Variants in NBEA observed in about 807,000 individuals in gnomAD.
NBEA encodes the protein neurobeachin.
Under a neutral mutation model 343.4 loss-of-function variants are expected in NBEA, and 44 were observed. The observed-to-expected ratio is 0.13, with a 90% CI of 0.10 to 0.16. The LOEUF is 0.16. Among genes scored for constraint, NBEA ranks in the 10% least tolerant of loss-of-function variants. The probability of loss-of-function intolerance (pLI) is 1.00; values close to 1 mark genes in which losing one functional copy is unlikely to be tolerated. For missense variants in NBEA, 2,555 were observed against 3,631.3 expected, an observed-to-expected ratio of 0.70 and a Z score of 7.62; for synonymous variants, 1,175 against 1,238.7, an observed-to-expected ratio of 0.95 and a Z score of 1.08.
At chr13:35,434,982 C>A (rs2045341967) in intron 39 of NBEA, among the ~76,000 whole-genome samples, 1 of 152,004 alleles carries the variant, frequency 6.6e-6, no homozygotes, top group Non-Finnish European at 1.5e-5. Flanking sequence ...CTGGAGAAGA[C>A]CAAAAAAGAT....
At chr13:35,043,301 G>C (rs2062721123) in intron 2 of NBEA, among the ~76,000 whole-genome samples, 1 of 151,704 alleles carries the variant, frequency 6.6e-6, no homozygotes, top group Non-Finnish European at 1.5e-5. Context: ...TACTTTTTGT[G>C]ACATACATGG....
At chr13:35,475,314 C>G (rs150778993) in intron 41 of NBEA, 41 of 1,613,910 alleles carry the variant, frequency 2.5e-5, no homozygotes, top group Non-Finnish European at 8.5e-7. Context: ...AAACCAGAGT[C>G]TTCATATGGT....
intron 41 of NBEA, among the ~76,000 whole-genome samples, chr13:35,491,572 C>T (rs1281006574): frequency 6.6e-6 from 1 of 151,842 alleles, no homozygotes. Flanking sequence ...TACCCAATAT[C>T]CAGAGTGTCA....
At chr13:35,043,975 G>A (rs2062751563) in intron 2 of NBEA, among the ~76,000 whole-genome samples, 1 of 151,948 alleles carries the variant, frequency 6.6e-6, no homozygotes, top group African/African-American at 2.4e-5. Context: ...TAGAAATTGA[G>A]AAAACGAAGT....
rs535575869 is a variant in NBEA, at chr13:35,432,401, C to T, written c.6304+8C>T. ...AAGCTGCAATAGAATATGGTTAGTA[C>T]CAATGCTTCTTCCACAAAAATACTT... On this transcript the variant is annotated splice_region_variant and intron_variant, in intron 39 of 58. Transcript: ENST00000379939. 9.6e-6 allele frequency: 15 copies of T among 1,564,968 alleles called. 1 individual carries two copies. The Middle Eastern group carries it at 8.5e-4, about 89-fold the overall frequency.
chr13:35,641,661 G>A (rs911029466), intron 49 of NBEA, among the ~76,000 whole-genome samples: 2 of 151,842 alleles, frequency 1.3e-5, no homozygotes, highest in African/African-American at 2.4e-5. Context: ...AGCTTGACAG[G>A]GTGATGGGGC....
intron 47 of NBEA, among the ~76,000 whole-genome samples, chr13:35,594,653 A>G (rs2081685003): frequency 6.6e-6 from 1 of 152,116 alleles, no homozygotes; most frequent in Non-Finnish European, 1.5e-5. Context: ...GCCATCATTT[A>G]AAATGATTTG....
At chr13:35,010,232 G>C (rs1333757320) in intron 1 of NBEA, among the ~76,000 whole-genome samples, 2 of 152,082 alleles carry the variant, frequency 1.3e-5, no homozygotes, top group Non-Finnish European at 2.9e-5. Flanking sequence ...GAGAAGAGAT[G>C]CAAGTACTGA....
chr13:35,642,463 G>A (rs941402078), intron 49 of NBEA, among the ~76,000 whole-genome samples: 6 of 152,134 alleles, frequency 3.9e-5, no homozygotes, highest in Non-Finnish European at 7.4e-5. Flanking sequence ...ATGAGCTCAC[G>A]TGTTCAATGT....
chr13:35,456,371 T>C (rs2046580558), intron 40 of NBEA, among the ~76,000 whole-genome samples: 1 of 152,054 alleles, frequency 6.6e-6, no homozygotes, highest in African/African-American at 2.4e-5. Context: ...GATTATAATA[T>C]AGAAGTATGC....
At chr13:35,258,415 C>T (rs2032869025) in intron 34 of NBEA, among the ~76,000 whole-genome samples, 2 of 152,056 alleles carry the variant, frequency 1.3e-5, no homozygotes, top group Non-Finnish European at 2.9e-5. Flanking sequence ...CCGCCTGCCT[C>T]AGCGTCCCTA....
intron 41 of NBEA, among the ~76,000 whole-genome samples, chr13:35,522,894 C>T (rs112964817): frequency 0.011 from 1,610 of 149,924 alleles, 15 homozygotes; most frequent in Non-Finnish European, 0.017. Context: ...GGAACGGGTT[C>T]CTGGTGCCAG....
At chr13:35,629,960 T>C (rs1046383921) in intron 49 of NBEA, among the ~76,000 whole-genome samples, 2 of 152,240 alleles carry the variant, frequency 1.3e-5, no homozygotes, top group South Asian at 2.1e-4. Context: ...TATTTTGTTA[T>C]ACATTTTTAC....
chr13:35,094,425 A>C (rs891216702), intron 10 of NBEA, among the ~76,000 whole-genome samples: 3 of 152,052 alleles, frequency 2.0e-5, no homozygotes, highest in African/African-American at 7.2e-5. Context: ...TTTACCGCCT[A>C]TGTAGGCATT....
intron 38 of NBEA, among the ~76,000 whole-genome samples, chr13:35,368,756 G>A (rs1192654534): frequency 2.6e-5 from 4 of 151,650 alleles, no homozygotes; most frequent in East Asian, 1.9e-4. Flanking sequence ...ACATGCAAAT[G>A]TAAGTAGGTG....
intron 41 of NBEA, among the ~76,000 whole-genome samples, chr13:35,516,902 C>A (rs1157013750): frequency 6.6e-6 from 1 of 152,238 alleles, no homozygotes; most frequent in East Asian, 1.9e-4. Flanking sequence ...TCAGAGATGT[C>A]CAGTTATTTC....
At chr13:35,232,137 A>T (rs1593854508) in intron 33 of NBEA, among the ~76,000 whole-genome samples, 1 of 152,172 alleles carries the variant, frequency 6.6e-6, no homozygotes, top group East Asian at 1.9e-4. Flanking sequence ...TGGCACAGGG[A>T]CCCACATTGT....
At chr13:35,420,648 T>G (rs976935503) in intron 38 of NBEA, among the ~76,000 whole-genome samples, 1 of 151,984 alleles carries the variant, frequency 6.6e-6, no homozygotes, top group Non-Finnish European at 1.5e-5. Context: ...GCCTGGAGAT[T>G]TGGGGAAAGA....
intron 47 of NBEA, among the ~76,000 whole-genome samples, chr13:35,602,307 A>G (rs1247811163): frequency 2.6e-5 from 4 of 152,230 alleles, no homozygotes; most frequent in African/African-American, 4.8e-5. Context: ...AAAACTTGCT[A>G]TTTGAAACAA....
Sources: gnomAD v4.1 joint callset for allele counts (sites outside exome capture counted in the v4.1 genomes callset) on GRCh38, gnomAD v4.1.1 for gene constraint, MANE v1.5 for transcripts, NCBI Gene and HGNC (gene_info 2026-07-23, HGNC 2026-07-21) for gene names.